Variants in MUC13 observed in about 807,000 individuals in gnomAD.
MUC13 encodes the protein mucin-13.
Under a neutral mutation model 48.3 loss-of-function variants are expected in MUC13, and 32 were observed. That is an observed-to-expected ratio of 0.66 (90% CI 0.50 to 0.89). The LOEUF is 0.89. Ranked by LOEUF, MUC13 falls within the 40% of genes least tolerant of loss-of-function variation. MUC13 has a pLI of 0.00. For missense variants in MUC13, 571 were observed against 622.8 expected (o/e 0.92, Z 0.88); for synonymous variants, 199 against 224.9 (o/e 0.88, Z 1.03).
intron 5 of MUC13, among the ~76,000 whole-genome samples, chr3:124,919,972 G>A (rs1935566197): frequency 6.6e-6 from 1 of 152,156 alleles, no homozygotes; most frequent in South Asian, 2.1e-4. Context: ...TGATGTCCTG[G>A]ACCATGTGCA....
At position 124,916,465 on chromosome 3, in the gene MUC13, T is replaced by G; in HGVS notation, c.816A>C (p.Pro272=). The G allele has an allele frequency of 1.2e-6, 2 of 1,611,922 alleles. No individual in the cohort carries two copies. Among genetic ancestry groups the G allele is most frequent in the Non-Finnish European group, 1.7e-6 (2 of 1,178,918 alleles). The change falls in exon 6 of 12, where the codon CCA becomes CCC. Residue 272 remains proline (P), a synonymous_variant. Transcript: ENST00000616727. ...TGTCATCAGCACGCATTTCAGATCT[T>G]GGTGACAGAGATGTGCTAAAAATGA... The part of the protein sequence containing the change: ...VILTVSTSLS[P]RSEMRADDKF...
chr3:124,913,557 C>T lies in MUC13; in HGVS notation c.1084+5G>A. The stretch of plus-strand genomic sequence containing the variant: ...AGAACATTTAGAAGCAGGTGAAACA[C>T]TTACCAACGCAGAAAGGGCTCTGTG... On this transcript the variant is annotated splice_donor_5th_base_variant and intron_variant, in intron 7 of 11. Coordinates refer to ENST00000616727, the MANE Select transcript of MUC13 (RefSeq NM_033049.4). 2.5e-6 allele frequency: 4 copies of T among 1,614,204 alleles called. No homozygotes were observed. The highest frequency in any genetic ancestry group is 1.6e-4 in the Middle Eastern group (1 of 6,062).
At chr3:124,920,490 G>T (rs564053881) in intron 4 of MUC13, among the ~76,000 whole-genome samples, 1 of 152,256 alleles carries the variant, frequency 6.6e-6, no homozygotes, top group East Asian at 1.9e-4. Context: ...CTTGAAGAAA[G>T]TAAGTTGTCT....
chr3:124,927,581 C>T lies in MUC13; in HGVS notation c.465G>A (p.Gly155=), dbSNP rs1935712494. The change falls in exon 2 of 12, where the codon GGG becomes GGA. Residue 155 remains glycine (G), a synonymous_variant. Coordinates refer to ENST00000616727, the MANE Select transcript of MUC13 (RefSeq NM_033049.4). The part of the protein sequence containing the change: ...SPTTEDNQSS[G]PPTGTALLET... ...CCAATAAAGCGGTGCCAGTGGGAGG[C>T]CCTGATGATTGATTGTCTTCTGTGG... 6.2e-7 allele frequency: 1 copy of T among 1,614,176 alleles called. No homozygotes were observed. The highest frequency in any genetic ancestry group is 2.2e-5 in the East Asian group (1 of 44,886).
chr3:124,907,038 A>C (rs1230250337), intron 11 of MUC13, among the ~76,000 whole-genome samples: 9 of 152,250 alleles, frequency 5.9e-5, no homozygotes, highest in South Asian at 4.1e-4. Flanking sequence ...ATTCAATCAC[A>C]CTAAGCAGTG....
intron 1 of MUC13, among the ~76,000 whole-genome samples, chr3:124,930,291 A>T (rs1259926274): frequency 6.6e-6 from 1 of 152,220 alleles, no homozygotes; most frequent in Non-Finnish European, 1.5e-5. Context: ...ATGCTCAATT[A>T]GTTTTAATAA....
At chr3:124,918,542 G>C (rs1935543289) in intron 5 of MUC13, among the ~76,000 whole-genome samples, 1 of 152,148 alleles carries the variant, frequency 6.6e-6, no homozygotes, top group South Asian at 2.1e-4. Context: ...ACTGCATACA[G>C]GGAATCTTCC....
At chr3:124,922,155 A>G (rs1935607114) in intron 4 of MUC13, 42 bp downstream of exon 4, 2 of 1,609,610 alleles carry the variant, frequency 1.2e-6, no homozygotes, top group Non-Finnish European at 1.7e-6. Context: ...CAGTGTTAGA[A>G]CAAAGAATGC....
chr3:124,913,650 G>A lies in MUC13; in HGVS notation c.996C>T (p.Asn332=). ...LTLRCDYYGC[N]QTADDCLNGL... is the part of the protein sequence containing the mutation. Reference sequence around the variant, plus strand: ...CATTGAGGCAGTCATCCGCAGTCTGGTTACAGCCATAATAATCACACCGAA... The same window carrying A: ...CATTGAGGCAGTCATCCGCAGTCTGATTACAGCCATAATAATCACACCGAA... Residue 332 remains asparagine (N), a synonymous_variant, in exon 7 of 12, where the codon AAC becomes AAT. Transcript: ENST00000616727. The A allele has an allele frequency of 6.2e-7, 1 of 1,614,188 alleles. No individual in the cohort carries two copies. Among genetic ancestry groups the A allele is most frequent in the Non-Finnish European group, 8.5e-7 (1 of 1,180,018 alleles).
In MUC13 at chr3:124,916,320, C is replaced by A; in HGVS notation, c.961G>T (p.Asp321Tyr). The change falls in exon 6 of 12, where the codon GAT becomes TAT. Residue 321 changes from aspartate (D) to tyrosine (Y), a missense_variant. Coordinates refer to ENST00000616727, the MANE Select transcript of MUC13 (RefSeq NM_033049.4). Reference protein sequence around the residue: ...RSSSSNFLNYDLTLRCDYYGC... With the variant: ...RSSSSNFLNYYLTLRCDYYGC... The stretch of plus-strand genomic sequence containing the variant: ...AATAAAATTATACAATACTTACAAT[C>A]ATAGTTTAGAAAGTTGCTTGAGCTA... 6.2e-7 allele frequency: 1 copy of A among 1,608,992 alleles called. No homozygotes were observed. The highest frequency in any genetic ancestry group is 1.3e-5 in the African/African-American group (1 of 74,806).
chr3:124,916,545 T>C, intron 5 of MUC13, 65 bp from the exon 6 acceptor site: 1 of 1,499,276 alleles, frequency 6.7e-7, no homozygotes, highest in Non-Finnish European at 9.1e-7. Flanking sequence ...AATTCTAATC[T>C]CCCAGACTCC....
Position 124,913,687 on chromosome 3 carries a change from A to G in MUC13, c.965-6T>C. On this transcript the variant is annotated splice_region_variant and splice_polypyrimidine_tract_variant and intron_variant, in intron 6 of 11. Coordinates refer to ENST00000616727, the MANE Select transcript of MUC13 (RefSeq NM_033049.4). ...ATAATCACACCGAAGGGTCACTGAGAAGCACAAATAGTTTAAAAATATATT... is the reference window on the plus strand; with the variant it reads ...ATAATCACACCGAAGGGTCACTGAGGAGCACAAATAGTTTAAAAATATATT... 1 of 1,614,160 alleles carries G rather than the reference A, an allele frequency of 6.2e-7. No homozygotes were observed. Among genetic ancestry groups the G allele is most frequent in the South Asian group, 1.1e-5 (1 of 91,078 alleles).
chr3:124,909,943 A>G (rs1276609162), intron 10 of MUC13, among the ~76,000 whole-genome samples: 1 of 152,182 alleles, frequency 6.6e-6, no homozygotes, highest in African/African-American at 2.4e-5. Context: ...TTATGTATAT[A>G]ATATTATTTT....
chr3:124,912,414 C>G (rs1935437171), intron 8 of MUC13, among the ~76,000 whole-genome samples: 1 of 152,196 alleles, frequency 6.6e-6, no homozygotes, highest in Non-Finnish European at 1.5e-5. Flanking sequence ...CAGGAAGATT[C>G]TGCAGTTCAG....
At chr3:124,929,401 TA>T (rs36048438) in intron 1 of MUC13, among the ~76,000 whole-genome samples, 34,422 of 151,960 alleles carry the variant, frequency 0.23, 3,965 homozygotes, top group South Asian at 0.3. Flanking sequence ...GACAATAGGT[TA>T]AAAAAATTAT....
chr3:124,921,468 G>C (rs1201524006), intron 4 of MUC13, among the ~76,000 whole-genome samples: 1 of 152,208 alleles, frequency 6.6e-6, no homozygotes, highest in Non-Finnish European at 1.5e-5. Flanking sequence ...CAACTTCTAA[G>C]ACATATTTAA....
At chr3:124,918,800 A>G (rs1429986767) in intron 5 of MUC13, among the ~76,000 whole-genome samples, 1 of 152,164 alleles carries the variant, frequency 6.6e-6, no homozygotes, top group Non-Finnish European at 1.5e-5. Context: ...CCTAATTCCC[A>G]GAAACAATTC....
At chr3:124,910,639 T>C in intron 9 of MUC13, 140 bp from the exon 10 acceptor site, 1 of 1,339,474 alleles carries the variant, frequency 7.5e-7, no homozygotes, top group East Asian at 2.6e-5. Context: ...CCAGGTTGGG[T>C]AGTTGGCCTA....
Position 124,922,230 on chromosome 3 carries a change from G to A in MUC13, c.711C>T (p.Ala237=), listed in dbSNP as rs761903293. 2.5e-6 allele frequency: 4 copies of A among 1,614,100 alleles called. No homozygotes were observed. Among genetic ancestry groups the A allele is most frequent in the Admixed American group, 1.7e-5 (1 of 60,006 alleles). ...TAATTTCACTATGCAAGTCTTGATA[G>A]GCCATGGAATGTTTCTCTTCTGGGT... ...TFDPEEKHSM[A]YQDLHSEITS... Residue 237 remains alanine (A), a synonymous_variant, in exon 4 of 12, where the codon GCC becomes GCT. Coordinates refer to ENST00000616727, the MANE Select transcript of MUC13 (RefSeq NM_033049.4).
Sources: gnomAD v4.1 joint callset for allele counts (sites outside exome capture counted in the v4.1 genomes callset) on GRCh38, gnomAD v4.1.1 for gene constraint, MANE v1.5 for transcripts, NCBI Gene and HGNC (gene_info 2026-07-23, HGNC 2026-07-21) for gene names.